Variants in CLCN5 observed in about 807,000 individuals in gnomAD.
The protein encoded by CLCN5 is H(+)/Cl(-) exchange transporter 5.
A neutral mutation model predicts 54.0 loss-of-function variants in CLCN5; 17 were observed. That is an observed-to-expected ratio of 0.31 (90% CI 0.22 to 0.47). The LOEUF (loss-of-function observed/expected upper bound fraction) is 0.47, where lower values mean the gene tolerates loss of function less well. Among genes scored for constraint, CLCN5 ranks in the 20% least tolerant of loss-of-function variants. The pLI is 1.00. For missense variants in CLCN5, 448 were observed against 646.7 expected, an observed-to-expected ratio of 0.69 and a Z score of 3.33; for synonymous variants, 222 against 233.0, an observed-to-expected ratio of 0.95 and a Z score of 0.43.
At chrX:49,952,715 T>C (rs1481786011) in intron 3 of CLCN5, among the ~76,000 whole-genome samples, 9 of 111,634 alleles carry the variant, frequency 8.1e-5, no homozygotes, top group African/African-American at 1.3e-4. Flanking sequence ...ATGTAGCTCT[T>C]CTCTTTAAAA....
At chrX:49,927,798 A>G (rs782214817) in intron 3 of CLCN5, among the ~76,000 whole-genome samples, 3 of 112,668 alleles carry the variant, frequency 2.7e-5, no homozygotes, top group African/African-American at 9.7e-5. Context: ...CATGTGTTAC[A>G]TATATTCAAC....
At chrX:50,031,876 C>T (rs782044335) in intron 3 of CLCN5, among the ~76,000 whole-genome samples, 59 of 61,855 alleles carry the variant, frequency 9.5e-4, no homozygotes, top group African/African-American at 3.3e-3. Context: ...CCCCTCCCCC[C>T]ACCCCACAAC....
rs1934143529 is a variant in CLCN5, at chrX:50,092,672, A to G, written c.*453A>G. 1 of 126,544 alleles carries G rather than the reference A, an allele frequency of 7.9e-6. No homozygotes were observed. The highest frequency in any genetic ancestry group is 2.6e-4 in the South Asian group (1 of 3,810). The allele number at this position is 126,544 out of a possible 1,213,427, so 10.4% of individuals were successfully genotyped here. On this transcript the variant is annotated 3_prime_UTR_variant, in exon 15 of 15. Coordinates refer to ENST00000376091, the MANE Select transcript of CLCN5 (RefSeq NM_001127898.4). Reference sequence around the variant, plus strand: ...GTAAACTAAGGGGCTTTGCTTTTCAAACCAGAGAAAGGAAAGCCAGAAGGA... The same window carrying G: ...GTAAACTAAGGGGCTTTGCTTTTCAGACCAGAGAAAGGAAAGCCAGAAGGA...
chrX:50,086,943 T>C lies in CLCN5; in HGVS notation c.1557+73T>C, dbSNP rs1933911827. 1.3e-5 allele frequency: 13 copies of C among 975,778 alleles called. No homozygotes were observed. In the South Asian group the frequency reaches 1.8e-4, roughly 13 times the overall value. The allele number at this position is 975,778 out of a possible 1,213,427, so 80.4% of individuals were successfully genotyped here. ...TTTGGAGGGCAGAGCCCAGGTATCA[T>C]ACAATCCTGATAGCTCATATGGTGC... On this transcript the variant is annotated intron_variant, in intron 11 of 14. Coordinates refer to ENST00000376091, the MANE Select transcript of CLCN5 (RefSeq NM_001127898.4).
rs782531626 is a variant in CLCN5, at chrX:49,945,729, C to T, written c.16+20415C>T. On this transcript the variant is annotated intron_variant, in intron 3 of 14. Coordinates refer to ENST00000376091, the MANE Select transcript of CLCN5 (RefSeq NM_001127898.4). ...CTGGCCTCCCAAGGTGCTGGCATTA[C>T]AGGCATGAGCCACCGTGCCCGGCCG... 1.5e-3 allele frequency among the ~76,000 whole-genome samples: 155 copies of T among 101,121 alleles called. 1 individual carries two copies. Among genetic ancestry groups the T allele is most frequent in the Admixed American group, 4.6e-3 (42 of 9,108 alleles). 87.8% of individuals were successfully genotyped at this position (101,121 alleles called of 115,157 possible).
intron 4 of CLCN5, among the ~76,000 whole-genome samples, chrX:50,069,034 C>G (rs1557191244): frequency 8.9e-6 from 1 of 111,883 alleles, no homozygotes; most frequent in African/African-American, 3.2e-5. Context: ...AATTTTGGTT[C>G]AGCTGATATA....
rs1557195401 is a variant in CLCN5 at position 50,095,239 on chromosome X, T to C, written c.*3020T>C. ...GTCTATAGATTTGTAAAAGTAAAAC[T>C]GCTATATTTTGTATCTTCAAATCTT... On this transcript the variant is annotated 3_prime_UTR_variant, in exon 15 of 15. Transcript: ENST00000376091. The C allele has an allele frequency of 1.8e-5, 2 of 112,478 alleles. No homozygotes were observed. The highest frequency in any genetic ancestry group is 3.2e-5 in the African/African-American group (1 of 30,951). The allele number at this position is 112,478 out of a possible 1,213,427, so 9.3% of individuals were successfully genotyped here.
intron 3 of CLCN5, among the ~76,000 whole-genome samples, chrX:50,019,065 G>T (rs1930931990): frequency 8.9e-6 from 1 of 111,739 alleles, no homozygotes; most frequent in African/African-American, 3.2e-5. Context: ...ATCCATCTGG[G>T]TCTAGGGCTT....
Position 49,940,133 on chromosome X carries a change from C to T in CLCN5, c.16+14819C>T, listed in dbSNP as rs782079359. 4.5e-5 allele frequency among the ~76,000 whole-genome samples: 5 copies of T among 111,622 alleles called. No individual in the cohort carries two copies. The East Asian group carries it at 1.1e-3, about 25-fold the overall frequency. Reference sequence around the variant, plus strand: ...TGTGATGTGAGGCCTCATTTTGTAACGTGTTAAATGGGAATAATAACAACT... The same window carrying T: ...TGTGATGTGAGGCCTCATTTTGTAATGTGTTAAATGGGAATAATAACAACT... On this transcript the variant is annotated intron_variant, in intron 3 of 14. Coordinates refer to ENST00000376091, the MANE Select transcript of CLCN5 (RefSeq NM_001127898.4).
Position 50,050,657 on chromosome X carries a change from C to CTTT in CLCN5, c.163+8213_163+8215dup, listed in dbSNP as rs1161956431. Among the ~76,000 whole-genome samples the CTTT allele has an allele frequency of 4.7e-4, 29 of 61,267 alleles. 3 individuals are homozygous for CTTT. Among genetic ancestry groups the CTTT allele is most frequent in the African/African-American group, 1.3e-3 (17 of 13,431 alleles). 53.2% of individuals were successfully genotyped at this position (61,267 alleles called of 115,157 possible). A position where few individuals can be genotyped will look rare whatever the true frequency, so the allele number is the denominator to read the frequency against. On this transcript the variant is annotated intron_variant, in intron 4 of 14. Transcript: ENST00000376091. Reference sequence around the variant, plus strand: ...CCTAGTCTGTGGCTTGTCTTCTTGGCTTTTTTTTTTTTTTTTTTTTGAGAT... The same window carrying CTTT: ...CCTAGTCTGTGGCTTGTCTTCTTGGCTTTTTTTTTTTTTTTTTTTTTTTGAGAT...
rs1374643025 is a variant in CLCN5, at chrX:50,064,598, C to G, written c.164-5281C>G. The stretch of plus-strand genomic sequence containing the variant: ...TGGCCATACTGCCCCAGGTAATTTA[C>G]AGATTCAATGCCATCCCCATCAAGC... On this transcript the variant is annotated intron_variant, in intron 4 of 14. Coordinates refer to ENST00000376091, the MANE Select transcript of CLCN5 (RefSeq NM_001127898.4). 9.5e-3 allele frequency among the ~76,000 whole-genome samples: 940 copies of G among 98,832 alleles called. 7 individuals carry two copies. Among genetic ancestry groups the G allele is most frequent in the Non-Finnish European group, 0.013 (658 of 49,398 alleles). 85.8% of individuals were successfully genotyped at this position (98,832 alleles called of 115,157 possible). A position where few individuals can be genotyped will look rare whatever the true frequency, so the allele number is the denominator to read the frequency against.
At chrX:50,013,464 G>C (rs782604855) in intron 3 of CLCN5, 31 of 237,530 alleles carry the variant, frequency 1.3e-4, no homozygotes, top group Non-Finnish European at 2.5e-4. Context: ...ATCTAGTGGA[G>C]GTATTAGGTG....
intron 3 of CLCN5, among the ~76,000 whole-genome samples, chrX:49,998,951 T>C (rs1260048663): frequency 9.0e-6 from 1 of 111,218 alleles, no homozygotes; most frequent in Non-Finnish European, 1.9e-5. Context: ...ATTCCACTCT[T>C]ATATACACAA....
chrX:49,972,643 G>A (rs1928280444), intron 3 of CLCN5, among the ~76,000 whole-genome samples: 1 of 111,727 alleles, frequency 9.0e-6, no homozygotes. Context: ...TTGGATATGG[G>A]CCTCAACCCC....
intron 3 of CLCN5, among the ~76,000 whole-genome samples, chrX:49,933,542 C>T (rs781797350): frequency 2.2e-4 from 25 of 112,107 alleles, no homozygotes; most frequent in Middle Eastern, 4.2e-3. Flanking sequence ...TTGTCACATC[C>T]GGGGTCAAGT....
intron 3 of CLCN5, among the ~76,000 whole-genome samples, chrX:49,958,194 A>C (rs1296500992): frequency 9.0e-6 from 1 of 111,646 alleles, no homozygotes; most frequent in Non-Finnish European, 1.9e-5. Context: ...TTATTTTACA[A>C]ATGTCACATA....
chrX:50,087,559 G>A (rs1381379299), intron 11 of CLCN5, among the ~76,000 whole-genome samples: 1 of 111,412 alleles, frequency 9.0e-6, no homozygotes, highest in African/African-American at 3.3e-5. Context: ...TCCTTTCTAG[G>A]TTTTTGTTTG....
chrX:50,069,461 A>T, intron 4 of CLCN5: 1 of 754,844 alleles, frequency 1.3e-6, no homozygotes, highest in Non-Finnish European at 1.6e-6. Flanking sequence ...AAACCACTTC[A>T]TAGGATTGAA....
chrX:49,956,642 C>T (rs1384599527), intron 3 of CLCN5, among the ~76,000 whole-genome samples: 4 of 100,744 alleles, frequency 4.0e-5, no homozygotes, highest in East Asian at 5.6e-4. Context: ...AGATACGGGA[C>T]AGGTAAGGAC....
Sources: gnomAD v4.1 joint callset for allele counts (sites outside exome capture counted in the v4.1 genomes callset) on GRCh38, gnomAD v4.1.1 for gene constraint, MANE v1.5 for transcripts, NCBI Gene and HGNC (gene_info 2026-07-23, HGNC 2026-07-21) for gene names.